The following FAM162A variants were observed in gnomAD, a reference collection of about 807,000 sequenced individuals.
FAM162A encodes family with sequence similarity 162 member A.
A neutral mutation model predicts 21.8 loss-of-function variants in FAM162A; 23 were observed. That is an observed-to-expected ratio of 1.05 (90% CI 0.76 to 1.49). The LOEUF (loss-of-function observed/expected upper bound fraction) is 1.49. FAM162A is among the 40% of genes most tolerant of loss of function. FAM162A has a pLI of 0.00. For missense variants in FAM162A, 165 were observed against 186.4 expected, an observed-to-expected ratio of 0.89 and a Z score of 0.67; for synonymous variants, 53 against 61.3, an observed-to-expected ratio of 0.86 and a Z score of 0.64.
intron 1 of FAM162A, among the ~76,000 whole-genome samples, chr3:122,393,545 C>T (rs766863281): frequency 2.0e-5 from 3 of 152,200 alleles, no homozygotes; most frequent in Non-Finnish European, 4.4e-5. Context: ...TCCAAAACTT[C>T]CAGCTGCAGA....
intron 2 of FAM162A, among the ~76,000 whole-genome samples, chr3:122,403,991 T>TA (rs1288699009): frequency 2.6e-5 from 4 of 152,214 alleles, no homozygotes; most frequent in African/African-American, 9.6e-5. Context: ...ATTCAAGATC[T>TA]GGTAAAATCT....
At chr3:122,392,203 A>G (rs2075607055) in intron 1 of FAM162A, among the ~76,000 whole-genome samples, 1 of 152,196 alleles carries the variant, frequency 6.6e-6, no homozygotes, top group Admixed American at 6.5e-5. Context: ...GAGGAATGGG[A>G]AAGGACAGCT....
intron 1 of FAM162A, among the ~76,000 whole-genome samples, chr3:122,389,412 T>C (rs1257739968): frequency 1.3e-5 from 2 of 151,830 alleles, no homozygotes; most frequent in African/African-American, 2.4e-5. Flanking sequence ...GATAGATAGA[T>C]AGATAGATAG....
chr3:122,396,212 C>T (rs2075626627), intron 1 of FAM162A, among the ~76,000 whole-genome samples: 1 of 152,020 alleles, frequency 6.6e-6, no homozygotes, highest in African/African-American at 2.4e-5. Context: ...CAAAGGACAT[C>T]ATCAAGATAG....
intron 1 of FAM162A, among the ~76,000 whole-genome samples, chr3:122,385,034 C>T (rs2075568516): frequency 6.6e-6 from 1 of 152,036 alleles, no homozygotes; most frequent in Admixed American, 6.6e-5. Context: ...AGAGGGCTTG[C>T]ATTTTGACTC....
intron 4 of FAM162A, 34 bp from the exon 5 acceptor site, chr3:122,409,705 T>C (rs769963109): frequency 2.5e-6 from 4 of 1,596,682 alleles, no homozygotes; most frequent in Non-Finnish European, 3.4e-6. Flanking sequence ...CTGACCAGCA[T>C]ACAAATCACC....
intron 1 of FAM162A, among the ~76,000 whole-genome samples, chr3:122,387,121 A>G (rs2075578028): frequency 6.6e-6 from 1 of 152,232 alleles, no homozygotes; most frequent in African/African-American, 2.4e-5. Context: ...GAAGGATGCT[A>G]GGAAATATCT....
Position 122,407,267 on chromosome 3 carries a change from C to G in FAM162A, c.264-14C>G. On this transcript the variant is annotated splice_polypyrimidine_tract_variant and intron_variant, in intron 3 of 4. Coordinates refer to ENST00000477892, the MANE Select transcript of FAM162A (RefSeq NM_014367.4). The stretch of plus-strand genomic sequence containing the variant: ...AGTTAATAACTTTCTCTCATGATCT[C>G]ATTGTATTACTAGGTTGGAGATGCT... The G allele has an allele frequency of 6.2e-7, 1 of 1,608,122 alleles. No homozygotes were observed. Among genetic ancestry groups the G allele is most frequent in the Non-Finnish European group, 8.5e-7 (1 of 1,175,180 alleles).
intron 3 of FAM162A, 48 bp downstream of exon 3, chr3:122,404,411 C>T: frequency 9.6e-7 from 1 of 1,042,566 alleles, no homozygotes; most frequent in Non-Finnish European, 1.4e-6. Context: ...TCTCACTGAT[C>T]TAAGGGAAAA....
chr3:122,398,767 A>T (rs1296741725), intron 1 of FAM162A, among the ~76,000 whole-genome samples: 2 of 152,336 alleles, frequency 1.3e-5, no homozygotes, highest in Non-Finnish European at 1.5e-5. Flanking sequence ...GGATTTGATC[A>T]TAATATACTG....
rs2075696837 is a variant in FAM162A, at chr3:122,409,938, G to T, written c.*107G>T. The T allele has an allele frequency of 1.1e-6, 1 of 937,112 alleles. No individual in the cohort carries two copies. Among genetic ancestry groups the T allele is most frequent in the Non-Finnish European group, 1.7e-6 (1 of 580,462 alleles). 58.0% of individuals were successfully genotyped at this position (937,112 alleles called of 1,614,324 possible). A position where few individuals can be genotyped will look rare whatever the true frequency, so the allele number is the denominator to read the frequency against. The stretch of plus-strand genomic sequence containing the variant: ...GGATCCATTTCATAAAGTATGATTT[G>T]CCCAAACCTGTACCATTTCCGTATT... On this transcript the variant is annotated 3_prime_UTR_variant, in exon 5 of 5. Transcript: ENST00000477892.
At chr3:122,392,895 ATAT>A (rs72228582) in intron 1 of FAM162A, among the ~76,000 whole-genome samples, 4,502 of 152,186 alleles carry the variant, frequency 0.03, 224 homozygotes, top group African/African-American at 0.1. Context: ...GTTTTACATA[ATAT>A]TTCAAAAAAA....
At chr3:122,400,930 T>C (rs2075650411) in intron 1 of FAM162A, among the ~76,000 whole-genome samples, 1 of 152,166 alleles carries the variant, frequency 6.6e-6, no homozygotes, top group Admixed American at 6.5e-5. Context: ...GCAGAATAAT[T>C]GTGTAGAGAT....
chr3:122,408,912 A>G (rs934978728), intron 4 of FAM162A, among the ~76,000 whole-genome samples: 6 of 152,162 alleles, frequency 3.9e-5, no homozygotes, highest in African/African-American at 1.4e-4. Context: ...TGTTTCCATA[A>G]ATACTACTGG....
At chr3:122,392,277 C>T (rs552236409) in intron 1 of FAM162A, among the ~76,000 whole-genome samples, 4 of 152,178 alleles carry the variant, frequency 2.6e-5, no homozygotes, top group South Asian at 4.1e-4. Context: ...AGCTTGCTGC[C>T]GGTTAACCTT....
Position 122,384,315 on chromosome 3 carries a change from G to T in FAM162A, c.34+16G>T, listed in dbSNP as rs1024976307. 1.3e-6 allele frequency: 2 copies of T among 1,570,758 alleles called. No individual in the cohort carries two copies. The highest frequency in any genetic ancestry group is 2.4e-5 in the East Asian group (1 of 42,504). ...CTGGCAGCAGGTGAGACGCCGGTCG[G>T]GATATGGGAGGTAGGGGAGCTGGCC... is the stretch of plus-strand genomic sequence containing the variant. On this transcript the variant is annotated intron_variant, in intron 1 of 4. Transcript: ENST00000477892.
intron 3 of FAM162A, among the ~76,000 whole-genome samples, chr3:122,404,969 G>A (rs1413120709): frequency 6.6e-6 from 1 of 152,180 alleles, no homozygotes; most frequent in Non-Finnish European, 1.5e-5. Flanking sequence ...AAGATGTTTG[G>A]CAGCATCCCC....
intron 1 of FAM162A, among the ~76,000 whole-genome samples, chr3:122,388,845 C>T (rs1033544665): frequency 7.2e-5 from 11 of 152,164 alleles, no homozygotes; most frequent in African/African-American, 2.2e-4. Flanking sequence ...GTCAGGAGAT[C>T]GAGACCATCC....
intron 1 of FAM162A, among the ~76,000 whole-genome samples, chr3:122,385,397 T>G (rs2075570542): frequency 6.6e-6 from 1 of 152,212 alleles, no homozygotes; most frequent in Admixed American, 6.5e-5. Context: ...TTCATTGATT[T>G]TGTCAGTTTT....
Sources: allele counts gnomAD v4.1 joint callset (sites outside exome capture counted in the v4.1 genomes callset), GRCh38; gene constraint gnomAD v4.1.1; transcripts MANE v1.5; gene names NCBI Gene and HGNC (gene_info 2026-07-23, HGNC 2026-07-21).